DTNBP1: variants seen among roughly 807,000 people sequenced by gnomAD.
DTNBP1 encodes the protein dysbindin.
A neutral mutation model predicts 42.8 loss-of-function variants in DTNBP1; 35 were observed. The observed-to-expected ratio is 0.82, with a 90% CI of 0.63 to 1.09. The LOEUF is 1.09. Ranked by LOEUF, DTNBP1 falls within the 50% of genes least tolerant of loss-of-function variation. The probability of loss-of-function intolerance (pLI) is 0.00; values close to 1 mark genes in which losing one functional copy is unlikely to be tolerated. For synonymous variants in DTNBP1, 171 were observed against 162.2 expected (o/e 1.05, Z -0.41); for missense variants, 457 against 424.2 (o/e 1.08, Z -0.68).
At chr6:15,537,165 A>C (rs531245190) in intron 7 of DTNBP1, among the ~76,000 whole-genome samples, 2 of 152,338 alleles carry the variant, frequency 1.3e-5, no homozygotes, top group South Asian at 4.1e-4. Context: ...TCACGCCTGT[A>C]ATCCCAACAC....
intron 4 of DTNBP1, among the ~76,000 whole-genome samples, chr6:15,634,617 C>T (rs1759899059): frequency 6.6e-6 from 1 of 152,154 alleles, no homozygotes; most frequent in Non-Finnish European, 1.5e-5. Flanking sequence ...CACACCCAAC[C>T]ACTTTCTATT....
intron 4 of DTNBP1, among the ~76,000 whole-genome samples, chr6:15,627,930 T>C (rs1759448636): frequency 6.6e-6 from 1 of 152,184 alleles, no homozygotes; most frequent in Admixed American, 6.5e-5. Context: ...GAATATACCA[T>C]GTTTCAATTT....
intron 7 of DTNBP1, among the ~76,000 whole-genome samples, chr6:15,555,246 A>C (rs920212218): frequency 6.6e-6 from 1 of 151,316 alleles, no homozygotes; most frequent in Non-Finnish European, 1.5e-5. Context: ...GATGGTCAAA[A>C]GGTCCTATAT....
At chr6:15,562,133 C>T (rs1418212514) in intron 7 of DTNBP1, among the ~76,000 whole-genome samples, 4 of 152,164 alleles carry the variant, frequency 2.6e-5, no homozygotes, top group Non-Finnish European at 4.4e-5. Context: ...CAGCAGTCCT[C>T]GGGGCTGCTA....
chr6:15,622,232 AAAC>A (rs1294642726), intron 5 of DTNBP1, among the ~76,000 whole-genome samples: 7 of 152,232 alleles, frequency 4.6e-5, no homozygotes, highest in African/African-American at 1.7e-4. Flanking sequence ...AGAAAACATT[AAAC>A]AACATGATGA....
At chr6:15,581,755 A>G (rs1342762666) in intron 7 of DTNBP1, among the ~76,000 whole-genome samples, 1 of 152,232 alleles carries the variant, frequency 6.6e-6, no homozygotes, top group African/African-American at 2.4e-5. Flanking sequence ...TTGGGATTAC[A>G]GGCATGAGCC....
intron 3 of DTNBP1, among the ~76,000 whole-genome samples, chr6:15,642,781 A>C (rs1424464746): frequency 6.6e-6 from 1 of 152,176 alleles, no homozygotes; most frequent in African/African-American, 2.4e-5. Context: ...AATACACAAC[A>C]TATACCACAG....
At chr6:15,662,552 C>A (rs59686948) in intron 1 of DTNBP1, among the ~76,000 whole-genome samples, 6 of 152,280 alleles carry the variant, frequency 3.9e-5, no homozygotes, top group East Asian at 1.9e-4. Context: ...CCACACCCCC[C>A]CCGGGCGCTC....
chr6:15,645,127 G>A (rs1396575223), intron 3 of DTNBP1, among the ~76,000 whole-genome samples: 2 of 151,868 alleles, frequency 1.3e-5, no homozygotes, highest in African/African-American at 4.8e-5. Context: ...AAAGACAAAA[G>A]ATCATCAGAG....
At chr6:15,624,735 T>G (rs1273208190) in intron 5 of DTNBP1, among the ~76,000 whole-genome samples, 4 of 152,218 alleles carry the variant, frequency 2.6e-5, no homozygotes, top group African/African-American at 9.6e-5. Flanking sequence ...TTTTTATTTT[T>G]TATTATTGCT....
At chr6:15,640,980 C>G (rs986144723) in intron 3 of DTNBP1, among the ~76,000 whole-genome samples, 1 of 152,168 alleles carries the variant, frequency 6.6e-6, no homozygotes, top group African/African-American at 2.4e-5. Context: ...CTCCAAACAT[C>G]AGGGAGTCTG....
At chr6:15,601,056 T>C (rs971632618) in intron 6 of DTNBP1, among the ~76,000 whole-genome samples, 2 of 152,192 alleles carry the variant, frequency 1.3e-5, no homozygotes, top group Non-Finnish European at 2.9e-5. Flanking sequence ...CATTAAAACA[T>C]TTACAAAGAA....
chr6:15,592,992 G>T, intron 7 of DTNBP1, 67 bp downstream of exon 7: 2 of 1,405,558 alleles, frequency 1.4e-6, no homozygotes, highest in Non-Finnish European at 2.0e-6. Flanking sequence ...GTTCATCATT[G>T]TCGAGAGAAC....
intron 7 of DTNBP1, among the ~76,000 whole-genome samples, chr6:15,581,470 G>A (rs1002626796): frequency 8.3e-5 from 11 of 133,152 alleles, no homozygotes; most frequent in Admixed American, 1.6e-4. Flanking sequence ...GAGCCACCGC[G>A]CCCGACTGTT....
intron 6 of DTNBP1, among the ~76,000 whole-genome samples, chr6:15,601,745 C>G (rs1776737242): frequency 6.6e-6 from 1 of 151,336 alleles, no homozygotes; most frequent in Non-Finnish European, 1.5e-5. Flanking sequence ...TCTCAGGAGG[C>G]TGAGGCAGGA....
At chr6:15,545,377 T>C (rs1394774424) in intron 7 of DTNBP1, among the ~76,000 whole-genome samples, 2 of 152,240 alleles carry the variant, frequency 1.3e-5, no homozygotes, top group Non-Finnish European at 2.9e-5. Context: ...TAGAACATTA[T>C]TCCTCAGAAT....
Position 15,613,316 on chromosome 6 carries a change from A to AG in DTNBP1, c.488+1950_488+1951insC, listed in dbSNP as rs796716703. Among the ~76,000 whole-genome samples the AG allele has an allele frequency of 3.5e-4, 47 of 134,216 alleles. 2 individuals are homozygous for AG. The East Asian group carries it at 7.8e-3, about 22-fold the overall frequency. 88.1% of individuals were successfully genotyped at this position (134,216 alleles called of 152,430 possible). A position where few individuals can be genotyped will look rare whatever the true frequency, so the allele number is the denominator to read the frequency against. On this transcript the variant is annotated intron_variant, in intron 6 of 9. Transcript: ENST00000344537. ...GAAACTCCATCTCAAAAAAAAAAAA[A>AG]AAAAAAAAAAAAAAAATGCCCCTTT...
chr6:15,567,592 A>G (rs1338878313), intron 7 of DTNBP1, among the ~76,000 whole-genome samples: 1 of 152,230 alleles, frequency 6.6e-6, no homozygotes, highest in Non-Finnish European at 1.5e-5. Context: ...CAATTCACGT[A>G]TGACCTGTAA....
intron 6 of DTNBP1, among the ~76,000 whole-genome samples, chr6:15,594,849 G>A (rs1776443933): frequency 6.6e-6 from 1 of 151,742 alleles, no homozygotes; most frequent in Non-Finnish European, 1.5e-5. Context: ...ATTTCTAAAG[G>A]GCTCTCTTGT....
Sources: allele counts gnomAD v4.1 joint callset (sites outside exome capture counted in the v4.1 genomes callset), GRCh38; gene constraint gnomAD v4.1.1; transcripts MANE v1.5; gene names NCBI Gene and HGNC (gene_info 2026-07-23, HGNC 2026-07-21).